CDK8: variants seen among roughly 807,000 people sequenced by gnomAD.
The protein encoded by CDK8 is cyclin dependent kinase 8.
Under a neutral mutation model 71.5 loss-of-function variants are expected in CDK8, and 29 were observed. The observed-to-expected ratio is 0.41, with a 90% CI of 0.30 to 0.55. The LOEUF is 0.55. Ranked by LOEUF, CDK8 falls within the 20% of genes least tolerant of loss-of-function variation. The pLI, the probability that CDK8 is intolerant of heterozygous loss-of-function variation, is 0.37. For synonymous variants in CDK8, 161 were observed against 192.1 expected, an observed-to-expected ratio of 0.84 and a Z score of 1.34; for missense variants, 288 against 572.6, an observed-to-expected ratio of 0.50 and a Z score of 5.07.
At chr13:26,257,742 C>T (rs887051796) in intron 1 of CDK8, among the ~76,000 whole-genome samples, 2 of 152,106 alleles carry the variant, frequency 1.3e-5, no homozygotes, top group Non-Finnish European at 2.9e-5. Flanking sequence ...AATATTTGCA[C>T]TGAATGTTTG....
Position 26,337,623 on chromosome 13 carries a change from C to T in CDK8, c.185C>T (p.Ser62Leu), listed in dbSNP as rs1565977796. ...KQIEGTGISM[S>L]ACREIALLRE... is the part of the protein sequence containing the mutation. ...ATAGAAGGAACTGGGATCTCTATGT[C>T]GGCATGTAGAGAAATAGCAGTAAGT... The change falls in exon 2 of 13, where the codon TCG becomes TTG. Residue 62 changes from serine (S) to leucine (L), a missense_variant. Transcript: ENST00000381527. 4 of 1,440,984 alleles carry T rather than the reference C, an allele frequency of 2.8e-6. No individual in the cohort carries two copies. The highest frequency in any genetic ancestry group is 3.7e-6 in the Non-Finnish European group (4 of 1,093,650). The allele number at this position is 1,440,984 out of a possible 1,614,324, so 89.3% of individuals were successfully genotyped here. A position where few individuals can be genotyped will look rare whatever the true frequency, so the allele number is the denominator to read the frequency against.
At chr13:26,383,273 C>T (rs1441502133) in intron 5 of CDK8, among the ~76,000 whole-genome samples, 1 of 152,140 alleles carries the variant, frequency 6.6e-6, no homozygotes, top group African/African-American at 2.4e-5. Flanking sequence ...CTGTTGACCT[C>T]GTCTAGATTA....
At chr13:26,288,884 T>A (rs1873154972) in intron 1 of CDK8, among the ~76,000 whole-genome samples, 1 of 150,490 alleles carries the variant, frequency 6.6e-6, no homozygotes. Flanking sequence ...CTCAGCCTCC[T>A]GGGACTATAG....
At chr13:26,270,389 CAAA>C (rs58365823) in intron 1 of CDK8, among the ~76,000 whole-genome samples, 3 of 128,114 alleles carry the variant, frequency 2.3e-5, no homozygotes, top group Non-Finnish European at 5.1e-5. Context: ...AACTCTGTCT[CAAA>C]AAAAAAAAAA....
At chr13:26,340,798 C>T (rs189318585) in intron 2 of CDK8, among the ~76,000 whole-genome samples, 3 of 152,264 alleles carry the variant, frequency 2.0e-5, no homozygotes, top group Non-Finnish European at 2.9e-5. Flanking sequence ...GACTGTAATG[C>T]GTTTCTTCCC....
At position 26,401,408 on chromosome 13, in the gene CDK8, A is replaced by C; in HGVS notation, c.1111-58A>C. The C allele has an allele frequency of 6.2e-7, 1 of 1,612,686 alleles. No individual in the cohort carries two copies. The highest frequency in any genetic ancestry group is 8.5e-7 in the Non-Finnish European group (1 of 1,178,750). ...CGTGAATGCCTCCATAACATTTTCC[A>C]TTGTGGGTATATTTTGTTCTCCCTC... On this transcript the variant is annotated intron_variant, in intron 11 of 12. Coordinates refer to ENST00000381527, the MANE Select transcript of CDK8 (RefSeq NM_001260.3). The surrounding 1 kb of genome is among the most constrained non-coding windows in gnomAD (Gnocchi z 4.5).
chr13:26,359,744 A>C (rs1363630921), intron 4 of CDK8: 1 of 432,378 alleles, frequency 2.3e-6, no homozygotes. Flanking sequence ...AGATGGAGTC[A>C]TCACTCTGTT....
chr13:26,291,456 T>C (rs1215129024), intron 1 of CDK8, among the ~76,000 whole-genome samples: 1 of 152,160 alleles, frequency 6.6e-6, no homozygotes, highest in Non-Finnish European at 1.5e-5. Context: ...TGAATGAGAA[T>C]TTGAATAGGA....
At chr13:26,261,965 A>G (rs9581604) in intron 1 of CDK8, among the ~76,000 whole-genome samples, 16,478 of 152,200 alleles carry the variant, frequency 0.11, 2,643 homozygotes, top group African/African-American at 0.35. Flanking sequence ...ACCATAATCT[A>G]TTGCAGTAAT....
At chr13:26,275,827 A>G (rs1196303198) in intron 1 of CDK8, among the ~76,000 whole-genome samples, 2 of 152,008 alleles carry the variant, frequency 1.3e-5, no homozygotes, top group African/African-American at 4.8e-5. Context: ...ATTCTTTTCT[A>G]GTACTTCCAC....
intron 4 of CDK8, among the ~76,000 whole-genome samples, chr13:26,372,920 C>T (rs1874758244): frequency 6.6e-6 from 1 of 152,192 alleles, no homozygotes; most frequent in Non-Finnish European, 1.5e-5. Context: ...CCTGCAGTGC[C>T]TGGCCCCCAC....
intron 1 of CDK8, among the ~76,000 whole-genome samples, chr13:26,295,722 C>A (rs1388198880): frequency 2.0e-5 from 3 of 152,112 alleles, no homozygotes; most frequent in Admixed American, 6.5e-5. Context: ...AAGAGTAAAA[C>A]CATGTAAATA....
At chr13:26,263,777 C>G (rs571622720) in intron 1 of CDK8, among the ~76,000 whole-genome samples, 2 of 133,502 alleles carry the variant, frequency 1.5e-5, no homozygotes, top group Non-Finnish European at 3.1e-5. Context: ...GACGGAGTCT[C>G]GCTATGTCAC....
At chr13:26,274,157 A>G (rs1392253885) in intron 1 of CDK8, among the ~76,000 whole-genome samples, 1 of 152,110 alleles carries the variant, frequency 6.6e-6, no homozygotes, top group Non-Finnish European at 1.5e-5. Context: ...TCCATTTTTA[A>G]GGTTTTTGAT....
chr13:26,333,145 T>C (rs1801767061), intron 1 of CDK8, among the ~76,000 whole-genome samples: 1 of 143,540 alleles, frequency 7.0e-6, no homozygotes, highest in African/African-American at 2.6e-5. Context: ...ATATACCTTC[T>C]TTTTTTTTTT....
At chr13:26,403,776 C>T (rs1285320798) in intron 12 of CDK8, among the ~76,000 whole-genome samples, 180 bp from the exon 13 acceptor site, 1 of 152,204 alleles carries the variant, frequency 6.6e-6, no homozygotes, top group East Asian at 1.9e-4. Flanking sequence ...TTCTGACCTT[C>T]CTCAAGAGAA....
At chr13:26,289,022 A>T (rs1165378471) in intron 1 of CDK8, among the ~76,000 whole-genome samples, 1 of 142,702 alleles carries the variant, frequency 7.0e-6, no homozygotes, top group African/African-American at 2.6e-5. Context: ...TACAGGCGTG[A>T]GCTGCTGCAT....
intron 1 of CDK8, among the ~76,000 whole-genome samples, chr13:26,321,980 G>C (rs1450427641): frequency 6.6e-6 from 1 of 152,118 alleles, no homozygotes; most frequent in African/African-American, 2.4e-5. Context: ...ACTTCAACAT[G>C]TATCTTAAAT....
chr13:26,399,381 A>G (rs1223580766), intron 9 of CDK8, among the ~76,000 whole-genome samples: 6 of 152,138 alleles, frequency 3.9e-5, no homozygotes, highest in Non-Finnish European at 8.8e-5. Flanking sequence ...GCAGCATGGT[A>G]TCATGTAGGG....
Sources: gnomAD v4.1 joint callset for allele counts (sites outside exome capture counted in the v4.1 genomes callset) on GRCh38, gnomAD v4.1.1 for gene constraint, Gnocchi (gnomAD v3.1) non-coding constraint, MANE v1.5 for transcripts, NCBI Gene and HGNC (gene_info 2026-07-23, HGNC 2026-07-21) for gene names.